FHIT: variants seen among roughly 807,000 people sequenced by gnomAD.
The protein encoded by FHIT is fragile histidine triad diadenosine triphosphatase.
Under a neutral mutation model 17.9 loss-of-function variants are expected in FHIT, and 19 were observed. The observed-to-expected ratio is 1.06, with a 90% CI of 0.74 to 1.56. FHIT has a LOEUF of 1.56. Among genes scored for constraint, FHIT ranks in the 40% most tolerant of loss-of-function variants. The probability of loss-of-function intolerance (pLI) is 0.00; values close to 1 mark genes in which losing one functional copy is unlikely to be tolerated. For synonymous variants in FHIT, 81 were observed against 69.7 expected, an observed-to-expected ratio of 1.16 and a Z score of -0.81; for missense variants, 248 against 189.2, an observed-to-expected ratio of 1.31 and a Z score of -1.82.
At chr3:60,915,728 T>G (rs1448797163) in intron 3 of FHIT, among the ~76,000 whole-genome samples, 1 of 152,132 alleles carries the variant, frequency 6.6e-6, no homozygotes, top group Non-Finnish European at 1.5e-5. Context: ...AATAAAGTTA[T>G]AAATGCCATA....
chr3:60,131,776 G>C (rs1056711100), intron 5 of FHIT, among the ~76,000 whole-genome samples: 6 of 152,014 alleles, frequency 3.9e-5, no homozygotes, highest in African/African-American at 1.4e-4. Context: ...CCTTCTACCT[G>C]GTAGCCTCTG....
intron 4 of FHIT, among the ~76,000 whole-genome samples, chr3:60,546,039 TTC>T (rs1180035827): frequency 1.3e-5 from 2 of 152,218 alleles, no homozygotes; most frequent in Non-Finnish European, 2.9e-5. Context: ...TTCCTTTTTC[TTC>T]TTTGTATTTG....
intron 5 of FHIT, among the ~76,000 whole-genome samples, chr3:60,293,670 T>A (rs1181344370): frequency 6.6e-6 from 1 of 152,122 alleles, no homozygotes; most frequent in Non-Finnish European, 1.5e-5. Flanking sequence ...AAAAGTATCC[T>A]GAGAAAGTGT....
chr3:59,749,986 C>CACAAAACCTTTAAAGAGAAAT (rs1253359615), intron 9 of FHIT: 1 of 223,546 alleles, frequency 4.5e-6, no homozygotes. Context: ...TTGGTCTGTG[C>CACAAAACCTTTAAAGAGAAAT]ACAAAACCTT....
Position 60,311,600 on chromosome 3 carries a change from A to T in FHIT, c.103+225260T>A, listed in dbSNP as rs151019370. The stretch of plus-strand genomic sequence containing the variant: ...ACTAACAAAGTACGCACATTTATAA[A>T]AGCTTACAGTTGTATTTTGTTTGTC... On this transcript the variant is annotated intron_variant, in intron 5 of 9. Transcript: ENST00000492590. 1.0e-3 allele frequency among the ~76,000 whole-genome samples: 158 copies of T among 152,336 alleles called. 1 individual carries two copies. The highest frequency in any genetic ancestry group is 3.6e-3 in the African/African-American group (150 of 41,582).
intron 5 of FHIT, among the ~76,000 whole-genome samples, chr3:60,354,838 T>A (rs1293012290): frequency 6.6e-6 from 1 of 152,146 alleles, no homozygotes; most frequent in Non-Finnish European, 1.5e-5. Context: ...AGTATTTTGT[T>A]AGGGATCATA....
At chr3:60,141,522 A>G (rs1279463185) in intron 5 of FHIT, among the ~76,000 whole-genome samples, 2 of 152,178 alleles carry the variant, frequency 1.3e-5, no homozygotes, top group Non-Finnish European at 2.9e-5. Context: ...AGTCACTCTC[A>G]TCTAAAATGG....
At chr3:61,113,901 C>T (rs1303435082) in intron 2 of FHIT, among the ~76,000 whole-genome samples, 4 of 152,174 alleles carry the variant, frequency 2.6e-5, no homozygotes, top group African/African-American at 9.6e-5. Flanking sequence ...CTGCAGCACA[C>T]GGTCTCTGTC....
At chr3:60,636,734 C>T (rs1028693020) in intron 4 of FHIT, among the ~76,000 whole-genome samples, 9 of 152,148 alleles carry the variant, frequency 5.9e-5, no homozygotes, top group Non-Finnish European at 1.3e-4. Flanking sequence ...TTGGCTACTA[C>T]ATAAAAAGCC....
At chr3:61,214,794 C>A (rs1394819810) in intron 1 of FHIT, among the ~76,000 whole-genome samples, 43 of 152,122 alleles carry the variant, frequency 2.8e-4, no homozygotes, top group Non-Finnish European at 4.0e-4. Flanking sequence ...CAGCACATCA[C>A]AAAGCTTATC....
chr3:59,777,088 C>T (rs1373527511), intron 8 of FHIT, among the ~76,000 whole-genome samples: 3 of 152,146 alleles, frequency 2.0e-5, no homozygotes, highest in Non-Finnish European at 4.4e-5. Flanking sequence ...AGGCCCTGTG[C>T]ACTTGTAGTT....
At chr3:60,172,767 C>T (rs781266831) in intron 5 of FHIT, among the ~76,000 whole-genome samples, 3 of 152,102 alleles carry the variant, frequency 2.0e-5, no homozygotes, top group Non-Finnish European at 2.9e-5. Context: ...AGAGGCTCCT[C>T]CAAGCAGGAC....
chr3:60,931,807 C>T lies in FHIT; in HGVS notation c.-110-109796G>A, dbSNP rs1022915679. Among the ~76,000 whole-genome samples, 7 of 152,198 alleles carry T rather than the reference C, an allele frequency of 4.6e-5. No individual in the cohort carries two copies. The South Asian group carries it at 1.4e-3, about 32-fold the overall frequency. On this transcript the variant is annotated intron_variant, in intron 3 of 9. Coordinates refer to ENST00000492590, the MANE Select transcript of FHIT (RefSeq NM_002012.4). ...AAAGAGCATATATAAAGAACACCGG[C>T]AGTAGCTATTTAAATTTCCCAGTGG...
At chr3:60,007,289 G>A (rs1418666331) in intron 7 of FHIT, among the ~76,000 whole-genome samples, 4 of 152,160 alleles carry the variant, frequency 2.6e-5, no homozygotes, top group Non-Finnish European at 5.9e-5. Context: ...TTACATTTTG[G>A]AACATGATTT....
chr3:60,845,101 C>T (rs1553746096), intron 3 of FHIT, among the ~76,000 whole-genome samples: 1 of 151,992 alleles, frequency 6.6e-6, no homozygotes, highest in East Asian at 1.9e-4. Context: ...AAGCTTGGTT[C>T]TAACAATGAA....
chr3:61,220,912 C>T (rs1028406654), intron 1 of FHIT, among the ~76,000 whole-genome samples: 2 of 152,194 alleles, frequency 1.3e-5, no homozygotes, highest in Admixed American at 1.3e-4. Flanking sequence ...ACACACAACA[C>T]GACATGCCCT....
At chr3:60,046,268 C>T (rs138979055) in intron 5 of FHIT, among the ~76,000 whole-genome samples, 199 of 152,234 alleles carry the variant, frequency 1.3e-3, no homozygotes, top group African/African-American at 4.6e-3. Context: ...TTCTGCAGAA[C>T]CAAATGTTGA....
chr3:59,836,890 G>A (rs969823758), intron 8 of FHIT, among the ~76,000 whole-genome samples: 1 of 152,112 alleles, frequency 6.6e-6, no homozygotes, highest in African/African-American at 2.4e-5. Flanking sequence ...GAATGGCCCA[G>A]GATTGTAATT....
chr3:60,006,125 C>T (rs1200988080), intron 7 of FHIT, among the ~76,000 whole-genome samples: 1 of 152,080 alleles, frequency 6.6e-6, no homozygotes, highest in South Asian at 2.1e-4. Context: ...GATTTGTAAC[C>T]GCGACTTACT....
Sources: gnomAD v4.1 joint callset for allele counts (sites outside exome capture counted in the v4.1 genomes callset) on GRCh38, gnomAD v4.1.1 for gene constraint, MANE v1.5 for transcripts, NCBI Gene and HGNC (gene_info 2026-07-23, HGNC 2026-07-21) for gene names.